Variants in BFSP2 observed in about 807,000 individuals in gnomAD.
The protein encoded by BFSP2 is phakinin.
BFSP2 carries 38 observed loss-of-function variants against 44.9 expected under a neutral mutation model. The observed-to-expected ratio is 0.85, with a 90% confidence interval of 0.65 to 1.11. The LOEUF (loss-of-function observed/expected upper bound fraction) is 1.11. BFSP2 is among the 50% of genes least tolerant of loss of function. The pLI, the probability that BFSP2 is intolerant of heterozygous loss-of-function variation, is 0.00. For missense variants in BFSP2, 525 were observed against 533.0 expected (o/e 0.99, Z 0.15); for synonymous variants, 197 against 209.9 (o/e 0.94, Z 0.53).
intron 1 of BFSP2, chr3:133,409,935 A>G: frequency 6.3e-6 from 1 of 157,696 alleles, no homozygotes; most frequent in Non-Finnish European, 1.4e-5. Flanking sequence ...TGGGGAGAAA[A>G]AGAAGTCAAG....
At chr3:133,403,723 T>C (rs1285173201) in intron 1 of BFSP2, among the ~76,000 whole-genome samples, 2 of 152,056 alleles carry the variant, frequency 1.3e-5, no homozygotes, top group Admixed American at 6.6e-5. Context: ...CAGGCTCTCC[T>C]CCCTGCCATC....
At chr3:133,425,739 T>C (rs932488323) in intron 1 of BFSP2, among the ~76,000 whole-genome samples, 2 of 140,726 alleles carry the variant, frequency 1.4e-5, no homozygotes, top group African/African-American at 2.7e-5. Flanking sequence ...TCTAGCCCAG[T>C]TGAAATCTAA....
At chr3:133,425,315 C>T (rs751178207) in intron 1 of BFSP2, among the ~76,000 whole-genome samples, 4 of 152,214 alleles carry the variant, frequency 2.6e-5, no homozygotes, top group Non-Finnish European at 5.9e-5. Flanking sequence ...TGGTCCATCC[C>T]TGTTACATGC....
chr3:133,472,197 C>A, intron 5 of BFSP2, 148 bp from the exon 6 acceptor site: 2 of 839,590 alleles, frequency 2.4e-6, no homozygotes, highest in East Asian at 2.7e-5. Flanking sequence ...CTAAGAATAA[C>A]CCCCATCAGT....
At position 133,400,218 on chromosome 3, in the gene BFSP2, T is replaced by A; in HGVS notation, c.135T>A (p.Asn45Lys). Residue 45 changes from asparagine (N) to lysine (K), a missense_variant, in exon 1 of 7, where the codon AAT becomes AAA. Transcript: ENST00000302334. The surrounding 1 kb of genome is among the most constrained non-coding windows in gnomAD (Gnocchi z 4.0). Reference sequence around the variant, plus strand: ...AGAGCCCCCCAGCCTCCAGGACCAATGCCATGAGTGGCCTTGTCCGAGCAC... The same window carrying A: ...AGAGCCCCCCAGCCTCCAGGACCAAAGCCATGAGTGGCCTTGTCCGAGCAC... Reference protein sequence around the residue: ...SLESPPASRTNAMSGLVRAPG... With the variant: ...SLESPPASRTKAMSGLVRAPG... The A allele has an allele frequency of 6.2e-7, 1 of 1,613,970 alleles. No homozygotes were observed. The highest frequency in any genetic ancestry group is 8.5e-7 in the Non-Finnish European group (1 of 1,179,962).
At chr3:133,440,362 G>A (rs2073833523) in intron 1 of BFSP2, among the ~76,000 whole-genome samples, 1 of 152,172 alleles carries the variant, frequency 6.6e-6, no homozygotes, top group African/African-American at 2.4e-5. Context: ...TGTCTAAATA[G>A]ATCCCCGTCA....
chr3:133,422,824 G>C (rs527420100), intron 1 of BFSP2, among the ~76,000 whole-genome samples: 24 of 152,210 alleles, frequency 1.6e-4, no homozygotes, highest in East Asian at 3.9e-4. Context: ...TGTCCGGACA[G>C]GGGGGTTGCC....
intron 4 of BFSP2, among the ~76,000 whole-genome samples, chr3:133,462,069 C>T (rs1002467255): frequency 5.7e-5 from 2 of 35,282 alleles, no homozygotes; most frequent in African/African-American, 1.5e-4. Context: ...ACCAGGCAGG[C>T]ATGGACCTGG....
intron 1 of BFSP2, among the ~76,000 whole-genome samples, chr3:133,431,049 T>A (rs2073711249): frequency 7.0e-6 from 1 of 142,510 alleles, no homozygotes; most frequent in South Asian, 2.5e-4. Flanking sequence ...CTCTTTTTCA[T>A]CAAATATAAA....
intron 1 of BFSP2, among the ~76,000 whole-genome samples, chr3:133,426,784 C>T (rs368613295): frequency 6.6e-6 from 1 of 152,242 alleles, no homozygotes; most frequent in Non-Finnish European, 1.5e-5. Context: ...CCCCACAGCT[C>T]AGCTCTTCCT....
At chr3:133,433,443 A>G (rs756706903) in intron 1 of BFSP2, among the ~76,000 whole-genome samples, 3 of 152,184 alleles carry the variant, frequency 2.0e-5, no homozygotes, top group Non-Finnish European at 2.9e-5. Flanking sequence ...ATCAGGGATT[A>G]TTCAGGCCCC....
At chr3:133,409,308 G>C (rs1391822195) in intron 1 of BFSP2, among the ~76,000 whole-genome samples, 2 of 151,920 alleles carry the variant, frequency 1.3e-5, no homozygotes, top group South Asian at 2.1e-4. Context: ...TGAAAACTGA[G>C]ACTTGAATGT....
In BFSP2 at chr3:133,452,458, C is replaced by T. The variant is rs141734190; in HGVS notation, c.891+1994C>T. Among the ~76,000 whole-genome samples, 429 of 152,294 alleles carry T rather than the reference C, an allele frequency of 2.8e-3. 3 individuals carry two copies. The highest frequency in any genetic ancestry group is 9.2e-3 in the African/African-American group (382 of 41,564). On this transcript the variant is annotated intron_variant, in intron 4 of 6. Transcript: ENST00000302334. Reference sequence around the variant, plus strand: ...AGTTATTCAAAAAATGACTTCCCCTCGCCCCACCCAACCTGATGAGAAGTG... The same window carrying T: ...AGTTATTCAAAAAATGACTTCCCCTTGCCCCACCCAACCTGATGAGAAGTG...
At chr3:133,431,185 T>A (rs2073713534) in intron 1 of BFSP2, among the ~76,000 whole-genome samples, 2 of 152,120 alleles carry the variant, frequency 1.3e-5, no homozygotes, top group Admixed American at 6.5e-5. Context: ...GCTCCTGACA[T>A]TAAATAAAAC....
At chr3:133,426,691 A>G (rs767392963) in intron 1 of BFSP2, among the ~76,000 whole-genome samples, 8 of 152,182 alleles carry the variant, frequency 5.3e-5, no homozygotes, top group Non-Finnish European at 8.8e-5. Context: ...AAAACTCTAT[A>G]ATAAAATTTC....
chr3:133,422,082 G>T (rs1038226134), intron 1 of BFSP2, among the ~76,000 whole-genome samples: 1 of 129,498 alleles, frequency 7.7e-6, no homozygotes, highest in African/African-American at 3.3e-5. Flanking sequence ...ACTCCAGCCT[G>T]GCAACAAAGC....
At chr3:133,456,227 T>C (rs2074011642) in intron 4 of BFSP2, among the ~76,000 whole-genome samples, 1 of 152,220 alleles carries the variant, frequency 6.6e-6, no homozygotes, top group African/African-American at 2.4e-5. Flanking sequence ...ATCTGAGCTG[T>C]AACCATCATG....
intron 4 of BFSP2, among the ~76,000 whole-genome samples, chr3:133,461,507 C>T (rs1200147047): frequency 2.6e-5 from 4 of 152,126 alleles, no homozygotes; most frequent in African/African-American, 9.7e-5. Context: ...CAACAAAACA[C>T]AGCCCCACCT....
At chr3:133,408,994 G>T (rs913163563) in intron 1 of BFSP2, among the ~76,000 whole-genome samples, 5 of 152,168 alleles carry the variant, frequency 3.3e-5, no homozygotes, top group African/African-American at 1.2e-4. Flanking sequence ...AACAAAAATA[G>T]ATTTCAGAAA....
Sources: allele counts gnomAD v4.1 joint callset (sites outside exome capture counted in the v4.1 genomes callset), GRCh38; gene constraint gnomAD v4.1.1; non-coding constraint Gnocchi (gnomAD v3.1); transcripts MANE v1.5; gene names NCBI Gene and HGNC (gene_info 2026-07-23, HGNC 2026-07-21).